PPP2R2B: variants seen among roughly 807,000 people sequenced by gnomAD.
The protein encoded by PPP2R2B is serine/threonine-protein phosphatase 2A 55 kDa regulatory subunit B beta isoform.
In PPP2R2B, 5 loss-of-function variants were observed where a neutral mutation model predicts 46.0. The ratio of observed to expected loss-of-function variants is 0.11; its 90% CI spans 0.06 to 0.23. The LOEUF (loss-of-function observed/expected upper bound fraction) is 0.23. Among genes scored for constraint, PPP2R2B ranks in the 10% least tolerant of loss-of-function variants. The pLI, the probability that PPP2R2B is intolerant of heterozygous loss-of-function variation, is 1.00. For synonymous variants in PPP2R2B, 215 were observed against 206.7 expected (o/e 1.04, Z -0.34); for missense variants, 367 against 575.0 (o/e 0.64, Z 3.70).
chr5:146,984,016 G>T (rs1448995388), intron 1 of PPP2R2B, among the ~76,000 whole-genome samples: 1 of 151,822 alleles, frequency 6.6e-6, no homozygotes, highest in Non-Finnish European at 1.5e-5. Context: ...TATGATTTAT[G>T]AACACAATAT....
Position 146,698,333 on chromosome 5 carries a change from T to A in PPP2R2B, c.169-189A>T, listed in dbSNP as rs1337422673. ...AAAAAAAAAAATATATATATATATA[T>A]ATATATATATATATATATACACACA... On this transcript the variant is annotated intron_variant, in intron 3 of 9. Transcript: ENST00000394411. Among the ~76,000 whole-genome samples, 50 of 123,988 alleles carry A rather than the reference T, an allele frequency of 4.0e-4. No homozygotes were observed. In the East Asian group the frequency reaches 6.4e-3, roughly 16 times the overall value. The allele number at this position is 123,988 out of a possible 152,430, so 81.3% of individuals were successfully genotyped here.
At chr5:146,638,601 G>T (rs1175903228) in intron 6 of PPP2R2B, among the ~76,000 whole-genome samples, 186 bp from the exon 7 acceptor site, 2 of 152,164 alleles carry the variant, frequency 1.3e-5, no homozygotes, top group African/African-American at 4.8e-5. Context: ...ATAGCCCAGG[G>T]TTACCCAGTA....
At chr5:146,668,579 C>T (rs1777149132) in intron 5 of PPP2R2B, among the ~76,000 whole-genome samples, 1 of 152,174 alleles carries the variant, frequency 6.6e-6, no homozygotes, top group African/African-American at 2.4e-5. Context: ...GAACAACACA[C>T]TATTTGGGGT....
intron 1 of PPP2R2B, among the ~76,000 whole-genome samples, chr5:146,954,128 CTT>C (rs3062371): frequency 0.49 from 70,531 of 143,974 alleles, 19,988 homozygotes; most frequent in Non-Finnish European, 0.65. Context: ...TACCAAGAGA[CTT>C]TTTTTTTTTT....
chr5:146,908,338 C>T (rs538339803), intron 1 of PPP2R2B, among the ~76,000 whole-genome samples: 14 of 152,142 alleles, frequency 9.2e-5, no homozygotes, highest in African/African-American at 3.1e-4. Flanking sequence ...AGTCTGATTC[C>T]AAGTTTCAAG....
At chr5:147,009,911 G>A (rs1754635237) in intron 1 of PPP2R2B, among the ~76,000 whole-genome samples, 2 of 139,412 alleles carry the variant, frequency 1.4e-5, no homozygotes, top group South Asian at 4.6e-4. Context: ...ATATATATAG[G>A]ACCTGGAGAT....
rs564929654 is a variant in PPP2R2B at position 146,650,793 on chromosome 5, A to C, written c.448-69T>G. The C allele has an allele frequency of 3.6e-6, 5 of 1,402,496 alleles. No homozygotes were observed. The South Asian group carries it at 5.4e-5, about 15-fold the overall frequency. The allele number at this position is 1,402,496 out of a possible 1,614,324, so 86.9% of individuals were successfully genotyped here. On this transcript the variant is annotated intron_variant, in intron 5 of 9. Transcript: ENST00000394411. Reference sequence around the variant, plus strand: ...CCATAGGAAAAGAGTGTGCATGCTAATATCATTTATTATCACACACAAAAT... The same window carrying C: ...CCATAGGAAAAGAGTGTGCATGCTACTATCATTTATTATCACACACAAAAT...
upstream of PPP2R2B, chr5:147,056,203 T>G (rs961638149): frequency 1.5e-5 from 13 of 845,598 alleles, no homozygotes; most frequent in African/African-American, 2.4e-4. Context: ...AAAGACAGCA[T>G]AGTGTTCTGC....
At chr5:147,070,002 G>A (rs1757539365) in intron 2 of PPP2R2B, among the ~76,000 whole-genome samples, 1 of 151,776 alleles carries the variant, frequency 6.6e-6, no homozygotes. Flanking sequence ...TGTTAGTCAG[G>A]CTGGTCTCAA....
intron 2 of PPP2R2B, among the ~76,000 whole-genome samples, chr5:146,770,563 C>G (rs1438588537): frequency 1.3e-5 from 2 of 151,926 alleles, no homozygotes; most frequent in Non-Finnish European, 2.9e-5. Context: ...GTTATGATAA[C>G]AGGTAATTTA....
chr5:146,645,581 C>T (rs1775529840), intron 6 of PPP2R2B, among the ~76,000 whole-genome samples: 1 of 152,198 alleles, frequency 6.6e-6, no homozygotes, highest in Non-Finnish European at 1.5e-5. Context: ...AAGCTGCTGT[C>T]CATGGTAGTA....
chr5:146,799,025 CT>C (rs906985645), intron 2 of PPP2R2B, among the ~76,000 whole-genome samples: 3 of 152,078 alleles, frequency 2.0e-5, no homozygotes, highest in African/African-American at 7.2e-5. Flanking sequence ...TCCGAGGTGA[CT>C]TTTTAATTTC....
intron 7 of PPP2R2B, among the ~76,000 whole-genome samples, chr5:146,624,653 A>G (rs1773921316): frequency 6.6e-6 from 1 of 152,180 alleles, no homozygotes; most frequent in Admixed American, 6.5e-5. Flanking sequence ...CTTTACACCA[A>G]GCCCTCCTGG....
intron 1 of PPP2R2B, among the ~76,000 whole-genome samples, chr5:146,953,575 A>G (rs574829557): frequency 9.2e-5 from 14 of 152,312 alleles, no homozygotes; most frequent in African/African-American, 3.4e-4. Flanking sequence ...AAAGATATAA[A>G]GTGATACAAA....
At chr5:146,970,695 T>C (rs527347016) in intron 1 of PPP2R2B, among the ~76,000 whole-genome samples, 47 of 152,078 alleles carry the variant, frequency 3.1e-4, no homozygotes, top group Non-Finnish European at 6.0e-4. Flanking sequence ...ACAAAGGAGA[T>C]GGTAAAGGGA....
intron 2 of PPP2R2B, among the ~76,000 whole-genome samples, chr5:146,735,475 C>G (rs1245423896): frequency 6.6e-6 from 1 of 152,116 alleles, no homozygotes; most frequent in Non-Finnish European, 1.5e-5. Flanking sequence ...TCAGCTTGGG[C>G]TGAGAGCAAA....
intron 1 of PPP2R2B, among the ~76,000 whole-genome samples, chr5:146,962,841 A>G (rs1402523219): frequency 6.6e-6 from 1 of 152,114 alleles, no homozygotes; most frequent in Non-Finnish European, 1.5e-5. Context: ...GGTCTCAATG[A>G]CTTCAAACTC....
At chr5:146,644,341 C>A (rs1279775436) in intron 6 of PPP2R2B, among the ~76,000 whole-genome samples, 3 of 150,398 alleles carry the variant, frequency 2.0e-5, no homozygotes, top group African/African-American at 7.3e-5. Flanking sequence ...TTTTATTTCC[C>A]CCTGAACCCA....
chr5:147,041,317 C>G (rs1037299697), intron 1 of PPP2R2B, among the ~76,000 whole-genome samples: 2 of 152,194 alleles, frequency 1.3e-5, no homozygotes, highest in African/African-American at 4.8e-5. Flanking sequence ...TAGCTCTGTT[C>G]ACAGGCAAGG....
Sources: gnomAD v4.1 joint callset for allele counts (sites outside exome capture counted in the v4.1 genomes callset) on GRCh38, gnomAD v4.1.1 for gene constraint, MANE v1.5 for transcripts, NCBI Gene and HGNC (gene_info 2026-07-23, HGNC 2026-07-21) for gene names.